Variants in PRDM1 observed in about 807,000 individuals in gnomAD.
PRDM1 encodes PR/SET domain 1, also known as PR domain zinc finger protein 1.
In PRDM1, 13 loss-of-function variants were observed where a neutral mutation model predicts 62.8. The ratio of observed to expected loss-of-function variants is 0.21; its 90% CI spans 0.13 to 0.33. The LOEUF is 0.33. Among genes scored for constraint, PRDM1 ranks in the 10% least tolerant of loss-of-function variants. The pLI is 1.00. For missense variants in PRDM1, 895 were observed against 1,058.8 expected, an observed-to-expected ratio of 0.85 and a Z score of 2.15; for synonymous variants, 396 against 417.6, an observed-to-expected ratio of 0.95 and a Z score of 0.63.
At chr6:106,030,510 T>C (rs1320438726) in intron 1 of PRDM1, among the ~76,000 whole-genome samples, 1 of 152,152 alleles carries the variant, frequency 6.6e-6, no homozygotes, top group East Asian at 1.9e-4. Flanking sequence ...AACCAAAAGT[T>C]TTAGATTTTG....
At chr6:106,033,058 C>T (rs1343052353) in intron 1 of PRDM1, among the ~76,000 whole-genome samples, 1 of 108,708 alleles carries the variant, frequency 9.2e-6, no homozygotes, top group East Asian at 2.5e-4. Context: ...TTAGAGATAA[C>T]AAAACATGGG....
chr6:106,048,045 T>C (rs1047810247), upstream of PRDM1, among the ~76,000 whole-genome samples: 2 of 152,176 alleles, frequency 1.3e-5, no homozygotes, highest in Non-Finnish European at 2.9e-5. Context: ...TTATTTGGTA[T>C]GAATGACTAG....
chr6:105,999,982 TG>T (rs1772408728), intron 1 of PRDM1, among the ~76,000 whole-genome samples: 1 of 152,106 alleles, frequency 6.6e-6, no homozygotes, highest in South Asian at 2.1e-4. Context: ...CCCAAGTAGC[TG>T]GGACTACAGG....
At chr6:106,070,090 C>T (rs1453903019) in intron 1 of PRDM1, among the ~76,000 whole-genome samples, 1 of 152,102 alleles carries the variant, frequency 6.6e-6, no homozygotes, top group Non-Finnish European at 1.5e-5. Context: ...TCTTCAAAGG[C>T]TGTTACATTT....
At chr6:106,057,710 C>T (rs1382547897) in intron 1 of PRDM1, among the ~76,000 whole-genome samples, 1 of 152,070 alleles carries the variant, frequency 6.6e-6, no homozygotes, top group Non-Finnish European at 1.5e-5. Flanking sequence ...CAGAGGATTC[C>T]TAACAGAACC....
intron 1 of PRDM1, among the ~76,000 whole-genome samples, chr6:106,033,931 C>T (rs781204658): frequency 3.3e-5 from 5 of 151,996 alleles, no homozygotes; most frequent in African/African-American, 1.2e-4. Context: ...ATTCTCCATA[C>T]TAGTTATAGG....
At chr6:106,051,891 C>T (rs1019262801) in intron 1 of PRDM1, among the ~76,000 whole-genome samples, 28 of 151,722 alleles carry the variant, frequency 1.8e-4, no homozygotes, top group Non-Finnish European at 2.4e-4. Flanking sequence ...AGAATTTACA[C>T]GAAAAAATTA....
chr6:106,106,502 G>A lies in PRDM1; in HGVS notation c.1902+3G>A, dbSNP rs779063895. ...GAGAAAAGCCACATGAATGCCAGGT[G>A]CGCAGTATTTTCTGGGTAGACCTTC... On this transcript the variant is annotated splice_donor_region_variant and intron_variant, in intron 6 of 6. Transcript: ENST00000369096. This position sits in a 1 kb window ranked among gnomAD's most constrained non-coding sequence, Gnocchi z 4.4. 3.7e-6 allele frequency: 6 copies of A among 1,613,976 alleles called. No individual in the cohort carries two copies. The highest frequency in any genetic ancestry group is 5.1e-6 in the Non-Finnish European group (6 of 1,180,020).
intron 1 of PRDM1, among the ~76,000 whole-genome samples, chr6:106,080,147 G>A (rs889176841): frequency 8.5e-5 from 13 of 152,198 alleles, no homozygotes; most frequent in African/African-American, 3.1e-4. Flanking sequence ...CCTAGCTGGT[G>A]GTGGCAGCGT....
At chr6:106,016,681 C>T (rs563741772) in intron 1 of PRDM1, among the ~76,000 whole-genome samples, 5 of 143,436 alleles carry the variant, frequency 3.5e-5, no homozygotes, top group Non-Finnish European at 6.0e-5. Context: ...CAAAGTCTCG[C>T]TCTGTCACCC....
At chr6:106,086,985 C>CT (rs879331584) in intron 1 of PRDM1, among the ~76,000 whole-genome samples, 134 of 145,924 alleles carry the variant, frequency 9.2e-4, no homozygotes, top group Non-Finnish European at 9.9e-4. Context: ...TTGCATCCAA[C>CT]TTTTTTTTTT....
intron 1 of PRDM1, among the ~76,000 whole-genome samples, chr6:106,066,594 C>T (rs1036273943): frequency 2.1e-4 from 32 of 152,130 alleles, no homozygotes; most frequent in African/African-American, 7.5e-4. Flanking sequence ...AAAGGGCATT[C>T]TTCTGTTCCT....
At position 106,108,423 on chromosome 6, in the gene PRDM1, A is replaced by G. The variant is rs1186033744; in HGVS notation, c.*937A>G. 1 of 233,396 alleles carries G rather than the reference A, an allele frequency of 4.3e-6. No homozygotes were observed. The highest frequency in any genetic ancestry group is 8.5e-6 in the Non-Finnish European group (1 of 117,996). 14.5% of individuals were successfully genotyped at this position (233,396 alleles called of 1,614,324 possible). ...GAAGAAGAAAAAAATGCCATGTTTTAAAACCACTGCGAAAATTTCCCCAAA... is the reference window on the plus strand; with the variant it reads ...GAAGAAGAAAAAAATGCCATGTTTTGAAACCACTGCGAAAATTTCCCCAAA... On this transcript the variant is annotated 3_prime_UTR_variant, in exon 7 of 7. Transcript: ENST00000369096.
intron 1 of PRDM1, among the ~76,000 whole-genome samples, chr6:106,060,056 G>C (rs1773323117): frequency 6.6e-6 from 1 of 152,206 alleles, no homozygotes; most frequent in Non-Finnish European, 1.5e-5. Flanking sequence ...GCTCAGGGGA[G>C]TGTTCCAGGC....
At chr6:106,009,896 T>C (rs1562143705) in intron 1 of PRDM1, among the ~76,000 whole-genome samples, 1 of 151,778 alleles carries the variant, frequency 6.6e-6, no homozygotes, top group East Asian at 1.9e-4. Context: ...TTTTGTGTTT[T>C]TAGTAGAGAC....
chr6:106,098,724 A>G (rs1456935950), intron 3 of PRDM1: 2 of 1,404,528 alleles, frequency 1.4e-6, no homozygotes, highest in South Asian at 1.2e-5. Context: ...ACAAAAAGGC[A>G]AGGTTCCAAG....
intron 1 of PRDM1, among the ~76,000 whole-genome samples, chr6:106,062,904 C>T (rs1773366934): frequency 6.6e-6 from 1 of 152,188 alleles, no homozygotes; most frequent in Admixed American, 6.5e-5. Flanking sequence ...TGGCAGTCCC[C>T]TCTCATTTCA....
chr6:106,099,184 A>G, intron 3 of PRDM1, 116 bp from the exon 4 acceptor site: 1 of 1,602,266 alleles, frequency 6.2e-7, no homozygotes, highest in Non-Finnish European at 8.6e-7. Context: ...TTCTTTTTCT[A>G]ACTAGGCAGT....
At position 106,105,334 on chromosome 6, in the gene PRDM1, T is replaced by C. The variant is rs753645444; in HGVS notation, c.1174T>C (p.Tyr392His). Residue 392 changes from tyrosine to histidine, a missense_variant, in exon 5 of 7, where the codon TAC (tyrosine) becomes CAC (histidine). By Grantham distance (83) the Tyr-to-His change is moderately conservative. This residue lies in a region of PRDM1 where 444 missense variants were observed against 422.7 expected (regional missense o/e 1.05). Coordinates refer to ENST00000369096, the MANE Select transcript of PRDM1 (RefSeq NM_001198.4). ...GTEGLGSYPG[Y>H]APLPHLPPAF... ...GGAAGGTTTGGGCTCCTACCCTGGC[T>C]ACGCACCCCTGCCCCACCTCCCGCC... 6.2e-7 allele frequency: 1 copy of C among 1,612,990 alleles called. No homozygotes were observed. Among genetic ancestry groups the C allele is most frequent in the Non-Finnish European group, 8.5e-7 (1 of 1,179,268 alleles).
Sources: gnomAD v4.1 joint callset for allele counts (sites outside exome capture counted in the v4.1 genomes callset) on GRCh38, gnomAD v4.1.1 for gene constraint, gnomAD v4.1.1 regional missense constraint, Gnocchi (gnomAD v3.1) non-coding constraint, MANE v1.5 for transcripts, NCBI Gene and HGNC (gene_info 2026-07-23, HGNC 2026-07-21) for gene names.